KDM2A: variants seen among roughly 807,000 people sequenced by gnomAD.
KDM2A encodes lysine-specific demethylase 2A.
KDM2A carries 3 observed loss-of-function variants against 137.3 expected under a neutral mutation model. That is an observed-to-expected ratio of 0.02 (90% CI 0.01 to 0.06). The LOEUF (loss-of-function observed/expected upper bound fraction) is 0.06. Among genes scored for constraint, KDM2A ranks in the 10% least tolerant of loss-of-function variants. The pLI is 1.00. For missense variants in KDM2A, 738 were observed against 1,510.6 expected, an observed-to-expected ratio of 0.49 and a Z score of 8.48; for synonymous variants, 512 against 541.5, an observed-to-expected ratio of 0.95 and a Z score of 0.76.
intron 5 of KDM2A, among the ~76,000 whole-genome samples, chr11:67,187,728 C>A (rs895342453): frequency 6.6e-6 from 1 of 152,148 alleles, no homozygotes; most frequent in Admixed American, 6.5e-5. Context: ...TGCCCGCCAC[C>A]ACGCCCGGCT....
chr11:67,132,155 A>T (rs1423701273), intron 2 of KDM2A: 2 of 152,230 alleles, frequency 1.3e-5, no homozygotes, highest in African/African-American at 4.8e-5. Flanking sequence ...TATAAGGCCT[A>T]TTCTGTGGAT....
chr11:67,250,287 C>T lies in KDM2A; in HGVS notation c.2257C>T (p.Arg753Cys), dbSNP rs1204727071. The change falls in exon 17 of 21, where the codon CGC becomes TGC. Residue 753 changes from arginine (R) to cysteine (C), a missense_variant. Physicochemically the swap from Arg to Cys is radical, Grantham distance 180 (BLOSUM62 -3). Transcript: ENST00000529006. This position sits in a 1 kb window ranked among gnomAD's most constrained non-coding sequence, Gnocchi z 7.1. ...CCCCAGCGACCACCACAGTGCCAGC[C>T]GCGATGAGCGCTTCAAACGGCGGCA... ...AGPSDHHSAS[R>C]DERFKRRQLL... The T allele has an allele frequency of 1.9e-6, 3 of 1,613,946 alleles. No individual in the cohort carries two copies. The highest frequency in any genetic ancestry group is 1.7e-5 in the Admixed American group (1 of 60,022).
chr11:67,203,917 C>T (rs1384248662), intron 5 of KDM2A, among the ~76,000 whole-genome samples: 2 of 151,886 alleles, frequency 1.3e-5, no homozygotes, highest in African/African-American at 4.8e-5. Context: ...TCTCTTGCCT[C>T]AGCCTCCTAA....
chr11:67,214,494 G>C (rs1565407644), intron 6 of KDM2A, among the ~76,000 whole-genome samples: 1 of 152,092 alleles, frequency 6.6e-6, no homozygotes, highest in Non-Finnish European at 1.5e-5. Context: ...GTGAGCCACT[G>C]CACTGGGCCT....
intron 2 of KDM2A, 76 bp downstream of exon 2, chr11:67,121,434 C>A: frequency 7.2e-7 from 1 of 1,389,274 alleles, no homozygotes; most frequent in Non-Finnish European, 1.0e-6. Context: ...TGTGAATATA[C>A]TGTGAATCTG....
chr11:67,170,380 G>A (rs977903867), intron 2 of KDM2A, among the ~76,000 whole-genome samples: 136 of 82,626 alleles, frequency 1.6e-3, no homozygotes, highest in African/African-American at 3.8e-3. Flanking sequence ...ATCCTACCAA[G>A]CATGGGGTTT....
chr11:67,242,753 CTCTCACAGGCAT>C (rs1859085880), intron 12 of KDM2A, among the ~76,000 whole-genome samples: 1 of 152,196 alleles, frequency 6.6e-6, no homozygotes, highest in African/African-American at 2.4e-5. Flanking sequence ...ATCCTCCCAC[CTCTCACAGGCAT>C]GAGCCACTGT....
intron 5 of KDM2A, chr11:67,196,038 G>C (rs1371719991): frequency 2.4e-6 from 1 of 408,676 alleles, no homozygotes; most frequent in Non-Finnish European, 4.9e-6. Flanking sequence ...TCACTTAGAT[G>C]TAATCTTTTT....
intron 5 of KDM2A, among the ~76,000 whole-genome samples, chr11:67,203,026 G>A (rs1484310850): frequency 6.6e-6 from 1 of 150,574 alleles, no homozygotes; most frequent in Non-Finnish European, 1.5e-5. Context: ...AAAGAAAAAC[G>A]GTTTACACTT....
chr11:67,186,679 T>C (rs970008716), intron 5 of KDM2A, among the ~76,000 whole-genome samples: 1 of 152,248 alleles, frequency 6.6e-6, no homozygotes, highest in Non-Finnish European at 1.5e-5. Context: ...GCATATTTTT[T>C]AAAAGACAGT....
chr11:67,213,755 C>CAAA (rs71056186), intron 6 of KDM2A, among the ~76,000 whole-genome samples: 2 of 77,192 alleles, frequency 2.6e-5, no homozygotes, highest in African/African-American at 3.5e-5. Flanking sequence ...CAGACCGTCT[C>CAAA]AAAAAAAAAA....
intron 10 of KDM2A, 92 bp from the exon 11 acceptor site, chr11:67,227,945 G>A: frequency 3.8e-6 from 5 of 1,329,232 alleles, no homozygotes; most frequent in Non-Finnish European, 5.3e-6. Flanking sequence ...ACTGGTGAGA[G>A]TATTTCCTGG....
chr11:67,233,833 T>C (rs1444841169), intron 12 of KDM2A, among the ~76,000 whole-genome samples: 1 of 151,944 alleles, frequency 6.6e-6, no homozygotes, highest in Non-Finnish European at 1.5e-5. Context: ...AGAGGAGGCT[T>C]AGCATTATGA....
chr11:67,140,049 A>G (rs1270746347), intron 2 of KDM2A, among the ~76,000 whole-genome samples: 1 of 152,014 alleles, frequency 6.6e-6, no homozygotes, highest in Non-Finnish European at 1.5e-5. Context: ...GGGTGGTGCC[A>G]CCAATTGAGA....
intron 2 of KDM2A, among the ~76,000 whole-genome samples, chr11:67,167,681 C>G (rs1856778101): frequency 6.6e-6 from 1 of 151,618 alleles, no homozygotes; most frequent in Non-Finnish European, 1.5e-5. Context: ...TCTGTAGACA[C>G]CTTCTATTTA....
intron 2 of KDM2A, among the ~76,000 whole-genome samples, chr11:67,167,059 CAG>C (rs1293572107): frequency 6.6e-6 from 1 of 152,084 alleles, no homozygotes; most frequent in East Asian, 1.9e-4. Flanking sequence ...GCCTAGGCGA[CAG>C]AGCGAGACTC....
chr11:67,136,247 G>A (rs147998889), intron 2 of KDM2A, among the ~76,000 whole-genome samples: 11 of 152,170 alleles, frequency 7.2e-5, no homozygotes, highest in African/African-American at 2.4e-4. Flanking sequence ...TTAAAGTTTT[G>A]GAAACAGATC....
At chr11:67,210,637 A>G (rs1181035267) in intron 6 of KDM2A, among the ~76,000 whole-genome samples, 1 of 152,224 alleles carries the variant, frequency 6.6e-6, no homozygotes, top group Admixed American at 6.5e-5. Context: ...AGAGGCCACA[A>G]TACTAATATC....
intron 6 of KDM2A, among the ~76,000 whole-genome samples, chr11:67,211,710 TTCTAAAAACTTAATCTTCATG>T (rs1195532837): frequency 6.6e-6 from 1 of 151,746 alleles, no homozygotes; most frequent in Non-Finnish European, 1.5e-5. Flanking sequence ...TAATCTTCAT[TTCTAAAAACTTAATCTTCATG>T]TCTAAAAACT....
Sources: gnomAD v4.1 joint callset for allele counts (sites outside exome capture counted in the v4.1 genomes callset) on GRCh38, gnomAD v4.1.1 for gene constraint, Gnocchi (gnomAD v3.1) non-coding constraint, MANE v1.5 for transcripts, NCBI Gene and HGNC (gene_info 2026-07-23, HGNC 2026-07-21) for gene names.